ITPR2: variants seen among roughly 807,000 people sequenced by gnomAD.
The protein encoded by ITPR2 is inositol 1,4,5-trisphosphate receptor type 2.
A neutral mutation model predicts 317.1 loss-of-function variants in ITPR2; 207 were observed. The observed-to-expected ratio is 0.65, with a 90% CI of 0.58 to 0.73. ITPR2 has a LOEUF of 0.73. Ranked by LOEUF, ITPR2 falls within the 30% of genes least tolerant of loss-of-function variation. ITPR2 has a pLI of 0.00. For synonymous variants in ITPR2, 1,156 were observed against 1,149.1 expected, an observed-to-expected ratio of 1.01 and a Z score of -0.12; for missense variants, 2,613 against 3,284.0, an observed-to-expected ratio of 0.80 and a Z score of 4.99.
intron 34 of ITPR2, among the ~76,000 whole-genome samples, chr12:26,570,674 A>G (rs917585488): frequency 1.3e-5 from 2 of 152,214 alleles, no homozygotes; most frequent in East Asian, 3.8e-4. Context: ...ATTCCCCCAA[A>G]TCATTTGAAG....
In ITPR2 at chr12:26,650,399, T is replaced by C. The variant is rs185601427; in HGVS notation, c.2740+3577A>G. On this transcript the variant is annotated intron_variant, in intron 21 of 56. Coordinates refer to ENST00000381340, the MANE Select transcript of ITPR2 (RefSeq NM_002223.4). ...GTCATTATACATTTGTCCAAATACA[T>C]AGAATGTGCAACACCAAGAGTGAAC... 7.9e-5 allele frequency among the ~76,000 whole-genome samples: 12 copies of C among 152,238 alleles called. No homozygotes were observed. In the East Asian group the frequency reaches 1.5e-3, roughly 20 times the overall value.
chr12:26,795,641 G>A (rs1046074627), intron 1 of ITPR2, among the ~76,000 whole-genome samples: 2 of 152,016 alleles, frequency 1.3e-5, no homozygotes, highest in African/African-American at 2.4e-5. Context: ...AGACAGAAGA[G>A]TCACAAGGCC....
At chr12:26,397,341 T>C (rs1474307635) in intron 54 of ITPR2, among the ~76,000 whole-genome samples, 2 of 151,808 alleles carry the variant, frequency 1.3e-5, no homozygotes, top group African/African-American at 2.4e-5. Context: ...CCTTTCTGCT[T>C]GTACTCACTT....
At chr12:26,829,683 G>T (rs1322864730) in intron 1 of ITPR2, among the ~76,000 whole-genome samples, 1 of 152,112 alleles carries the variant, frequency 6.6e-6, no homozygotes. Flanking sequence ...TTCCAGTGAA[G>T]GCCAGGAAAC....
chr12:26,400,329 GAAATATACATACAAT>G (rs1940133187), intron 52 of ITPR2, 71 bp from the exon 53 acceptor site: 1 of 854,452 alleles, frequency 1.2e-6, no homozygotes, highest in East Asian at 3.3e-5. Flanking sequence ...CACATAAAAT[GAAATATACATACAAT>G]AAATATACAT....
At chr12:26,442,903 G>A (rs931286487) in intron 46 of ITPR2, among the ~76,000 whole-genome samples, 3 of 152,116 alleles carry the variant, frequency 2.0e-5, no homozygotes, top group Non-Finnish European at 2.9e-5. Flanking sequence ...ACTTCTGCCT[G>A]ATTAGCTCTG....
chr12:26,705,994 A>G (rs1948543400), intron 9 of ITPR2, among the ~76,000 whole-genome samples: 1 of 152,256 alleles, frequency 6.6e-6, no homozygotes, highest in Non-Finnish European at 1.5e-5. Flanking sequence ...AACTTCCACC[A>G]GATGGCAAAG....
intron 25 of ITPR2, among the ~76,000 whole-genome samples, chr12:26,621,507 T>G (rs1378447182): frequency 6.6e-6 from 1 of 152,206 alleles, no homozygotes; most frequent in Non-Finnish European, 1.5e-5. Flanking sequence ...TTAATTTCAC[T>G]GCTGAAGTTA....
At chr12:26,787,966 C>G (rs1047615536) in intron 2 of ITPR2, among the ~76,000 whole-genome samples, 2 of 147,628 alleles carry the variant, frequency 1.4e-5, no homozygotes, top group African/African-American at 2.5e-5. Context: ...CTTTTGTTGC[C>G]CAGGTTGGAG....
rs144684776 is a variant in ITPR2 at position 26,458,901 on chromosome 12, C to G, written c.6343-15251G>C. Among the ~76,000 whole-genome samples, 97 of 152,286 alleles carry G rather than the reference C, an allele frequency of 6.4e-4. 1 individual carries two copies. In the East Asian group the frequency reaches 0.017, roughly 27 times the overall value. On this transcript the variant is annotated intron_variant, in intron 45 of 56. Coordinates refer to ENST00000381340, the MANE Select transcript of ITPR2 (RefSeq NM_002223.4). ...AGCGTGAAGGCCTCGCCACAGCTCC[C>G]GACCCCACTGACATTTAATTAGCAC...
At chr12:26,750,212 T>G (rs1949390917) in intron 2 of ITPR2, among the ~76,000 whole-genome samples, 1 of 152,234 alleles carries the variant, frequency 6.6e-6, no homozygotes, top group South Asian at 2.1e-4. Flanking sequence ...CAGTAAATTC[T>G]GGATTTTCAT....
chr12:26,739,783 G>A (rs1949199861), intron 2 of ITPR2, among the ~76,000 whole-genome samples: 1 of 152,092 alleles, frequency 6.6e-6, no homozygotes, highest in Non-Finnish European at 1.5e-5. Context: ...AAATTTTATG[G>A]TATATAAGTT....
At chr12:26,740,496 T>G (rs766361059) in intron 2 of ITPR2, among the ~76,000 whole-genome samples, 1 of 152,212 alleles carries the variant, frequency 6.6e-6, no homozygotes, top group Non-Finnish European at 1.5e-5. Context: ...GAAGGACATC[T>G]GCGATACGTC....
At chr12:26,450,903 A>G (rs571884282) in intron 45 of ITPR2, among the ~76,000 whole-genome samples, 1 of 152,280 alleles carries the variant, frequency 6.6e-6, no homozygotes, top group Admixed American at 6.5e-5. Flanking sequence ...TGGGAAGCAG[A>G]TGAAAGCCCT....
chr12:26,631,900 ATCACAG>A lies in ITPR2; in HGVS notation c.2894_2899del (p.Thr965_Val966del). Reference sequence around the variant, plus strand: ...CTCAATGATCTTCAGCTTGGTGTCCATCACAGTCACATCCTCGTGCTCGGTGGGGCT... The same window carrying A: ...CTCAATGATCTTCAGCTTGGTGTCCATCACATCCTCGTGCTCGGTGGGGCT... On this transcript the variant is annotated inframe_deletion, in exon 22 of 57. Transcript: ENST00000381340. The A allele has an allele frequency of 6.2e-7, 1 of 1,614,068 alleles. No homozygotes were observed. The highest frequency in any genetic ancestry group is 2.2e-5 in the East Asian group (1 of 44,864).
At chr12:26,663,967 C>T (rs1033109980) in intron 14 of ITPR2, 121 bp from the exon 15 acceptor site, 27 of 918,900 alleles carry the variant, frequency 2.9e-5, no homozygotes, top group South Asian at 1.4e-4. Context: ...TTAGAGTAAA[C>T]GGGAAAAACA....
At chr12:26,438,163 C>T (rs1207219042) in intron 47 of ITPR2, among the ~76,000 whole-genome samples, 2 of 151,828 alleles carry the variant, frequency 1.3e-5, no homozygotes, top group Non-Finnish European at 2.9e-5. Flanking sequence ...TTTTAGACAC[C>T]CAAAATTTTC....
intron 9 of ITPR2, among the ~76,000 whole-genome samples, chr12:26,708,185 T>C (rs1295647193): frequency 1.3e-5 from 2 of 152,198 alleles, no homozygotes; most frequent in Non-Finnish European, 2.9e-5. Context: ...GAGAACAGTA[T>C]GGCGGTTCCT....
intron 1 of ITPR2, among the ~76,000 whole-genome samples, chr12:26,809,222 T>C (rs1950690564): frequency 6.6e-6 from 1 of 152,246 alleles, no homozygotes; most frequent in African/African-American, 2.4e-5. Flanking sequence ...CAGAGATGTC[T>C]AAACAGCAGC....
Sources: gnomAD v4.1 joint callset for allele counts (sites outside exome capture counted in the v4.1 genomes callset) on GRCh38, gnomAD v4.1.1 for gene constraint, MANE v1.5 for transcripts, NCBI Gene and HGNC (gene_info 2026-07-23, HGNC 2026-07-21) for gene names.